Variants in CDH1 observed in about 807,000 individuals in gnomAD.
The protein encoded by CDH1 is cadherin 1.
A neutral mutation model predicts 84.5 loss-of-function variants in CDH1; 35 were observed. The ratio of observed to expected loss-of-function variants is 0.41; its 90% confidence interval spans 0.32 to 0.55. CDH1 has a LOEUF of 0.55. Ranked by LOEUF, CDH1 falls within the 20% of genes least tolerant of loss-of-function variation. The pLI is 0.19. For missense variants in CDH1, 994 were observed against 1,126.6 expected (o/e 0.88, Z 1.68); for synonymous variants, 417 against 439.0 (o/e 0.95, Z 0.63).
At chr16:68,790,494 C>T (rs527783070) in intron 2 of CDH1, among the ~76,000 whole-genome samples, 20 of 152,190 alleles carry the variant, frequency 1.3e-4, no homozygotes, top group South Asian at 1.0e-3. Flanking sequence ...TGTGTTGTTA[C>T]GCATGCAGCC....
intron 2 of CDH1, among the ~76,000 whole-genome samples, chr16:68,754,457 T>C (rs1352035299): frequency 2.0e-5 from 3 of 152,184 alleles, no homozygotes; most frequent in Admixed American, 6.5e-5. Flanking sequence ...ATTGTGATCA[T>C]AAGCAACAGT....
chr16:68,783,834 G>A (rs571760197), intron 2 of CDH1, among the ~76,000 whole-genome samples: 5 of 151,868 alleles, frequency 3.3e-5, no homozygotes, highest in Admixed American at 6.6e-5. Flanking sequence ...CTACCACCAC[G>A]CCTGGCTAAT....
At chr16:68,798,686 A>G (rs1960423799) in intron 2 of CDH1, among the ~76,000 whole-genome samples, 1 of 152,192 alleles carries the variant, frequency 6.6e-6, no homozygotes, top group Non-Finnish European at 1.5e-5. Context: ...TAAATTTGGG[A>G]AGGCTGGAGA....
In CDH1 at chr16:68,828,105, A is replaced by G. The variant is rs181023559; in HGVS notation, c.2165-69A>G. Reference sequence around the variant, plus strand: ...TGTCTGGTATGAGGGGTGCTCTGTGATAGCTGCTGCTTCTGGCCTTCTTTA... The same window carrying G: ...TGTCTGGTATGAGGGGTGCTCTGTGGTAGCTGCTGCTTCTGGCCTTCTTTA... On this transcript the variant is annotated intron_variant, in intron 13 of 15. Coordinates refer to ENST00000261769, the MANE Select transcript of CDH1 (RefSeq NM_004360.5). 126 of 1,586,930 alleles carry G rather than the reference A, an allele frequency of 7.9e-5. No individual in the cohort carries two copies. The East Asian group carries it at 2.4e-3, about 31-fold the overall frequency.
intron 2 of CDH1, among the ~76,000 whole-genome samples, chr16:68,760,133 C>T (rs901339964): frequency 4.9e-5 from 6 of 122,722 alleles, no homozygotes; most frequent in Admixed American, 9.2e-5. Context: ...AAATCTTGCT[C>T]TTGTCCCCCA....
At chr16:68,795,191 A>G (rs1011202830) in intron 2 of CDH1, among the ~76,000 whole-genome samples, 2 of 152,208 alleles carry the variant, frequency 1.3e-5, no homozygotes, top group African/African-American at 4.8e-5. Flanking sequence ...ATCTAAGAAA[A>G]TAGCCTGGAA....
chr16:68,804,824 C>CTTTT (rs5817653), intron 3 of CDH1, among the ~76,000 whole-genome samples: 45 of 69,670 alleles, frequency 6.5e-4, no homozygotes, highest in Non-Finnish European at 7.6e-4. Context: ...GTAACAAAAT[C>CTTTT]TTTTTTTTTT....
chr16:68,786,363 G>A (rs1041574470), intron 2 of CDH1, among the ~76,000 whole-genome samples: 1 of 151,660 alleles, frequency 6.6e-6, no homozygotes. Context: ...GTAGAGACAG[G>A]GTTTCACCAT....
intron 2 of CDH1, among the ~76,000 whole-genome samples, chr16:68,755,435 A>G (rs1962994013): frequency 6.6e-6 from 1 of 151,922 alleles, no homozygotes; most frequent in South Asian, 2.1e-4. Flanking sequence ...ATAAATAGAG[A>G]GGGTCTTGTT....
chr16:68,751,911 A>T (rs1962891328), intron 2 of CDH1, among the ~76,000 whole-genome samples: 1 of 149,540 alleles, frequency 6.7e-6, no homozygotes, highest in Admixed American at 6.7e-5. Flanking sequence ...CTGGGATTAT[A>T]GGTGCCTGCC....
intron 2 of CDH1, among the ~76,000 whole-genome samples, chr16:68,795,404 G>A (rs1960330321): frequency 6.6e-6 from 1 of 152,148 alleles, no homozygotes; most frequent in African/African-American, 2.4e-5. Context: ...AAACTCCTGG[G>A]CTCAAGTGAT....
In CDH1 at chr16:68,833,172, G is replaced by A. The variant is rs968481300; in HGVS notation, c.2440-118G>A. ...GTACGTTGTTGGTGTTCACTGCTCCGTGGTGTGCCACAAGTCTGGGTGCAT... is the reference window on the plus strand; with the variant it reads ...GTACGTTGTTGGTGTTCACTGCTCCATGGTGTGCCACAAGTCTGGGTGCAT... On this transcript the variant is annotated intron_variant, in intron 15 of 15. Transcript: ENST00000261769. The A allele has an allele frequency of 5.6e-5, 46 of 821,694 alleles. No individual in the cohort carries two copies. The highest frequency in any genetic ancestry group is 2.9e-4 in the Admixed American group (16 of 54,662). The allele number at this position is 821,694 out of a possible 1,614,324, so 50.9% of individuals were successfully genotyped here. A position where few individuals can be genotyped will look rare whatever the true frequency, so the allele number is the denominator to read the frequency against.
At chr16:68,746,352 G>T (rs1472748987) in intron 2 of CDH1, among the ~76,000 whole-genome samples, 1 of 152,118 alleles carries the variant, frequency 6.6e-6, no homozygotes, top group Non-Finnish European at 1.5e-5. Flanking sequence ...TTGAACACGG[G>T]AGGTGGAGGA....
At chr16:68,811,214 A>T (rs1000773877) in intron 6 of CDH1, among the ~76,000 whole-genome samples, 1 of 152,044 alleles carries the variant, frequency 6.6e-6, no homozygotes, top group African/African-American at 2.4e-5. Flanking sequence ...CCTGACCAAC[A>T]TGGAGAAACC....
At chr16:68,803,467 G>A (rs550098009) in intron 3 of CDH1, among the ~76,000 whole-genome samples, 5 of 152,086 alleles carry the variant, frequency 3.3e-5, no homozygotes, top group South Asian at 2.1e-4. Flanking sequence ...GTGCAATTTC[G>A]GCTCACGGCA....
In CDH1 at chr16:68,810,097, G is replaced by A. The variant is rs960032933; in HGVS notation, c.688-100G>A. 6.5e-6 allele frequency: 8 copies of A among 1,231,200 alleles called. No homozygotes were observed. The Middle Eastern group carries it at 1.7e-3, about 266-fold the overall frequency. The allele number at this position is 1,231,200 out of a possible 1,614,324, so 76.3% of individuals were successfully genotyped here. A position where few individuals can be genotyped will look rare whatever the true frequency, so the allele number is the denominator to read the frequency against. ...CACTGGGGGTCTCAGAGCCTAGGAA[G>A]GTGTGGCAGCCAGGGGGGCGCACTC... On this transcript the variant is annotated intron_variant, in intron 5 of 15. Coordinates refer to ENST00000261769, the MANE Select transcript of CDH1 (RefSeq NM_004360.5).
At chr16:68,788,541 G>A (rs1960126578) in intron 2 of CDH1, among the ~76,000 whole-genome samples, 1 of 151,930 alleles carries the variant, frequency 6.6e-6, no homozygotes, top group Non-Finnish European at 1.5e-5. Context: ...TCTTTCACTC[G>A]GTGTAATGCT....
chr16:68,801,501 T>C (rs1437752067), intron 2 of CDH1, among the ~76,000 whole-genome samples, 169 bp from the exon 3 acceptor site: 2 of 152,252 alleles, frequency 1.3e-5, no homozygotes, highest in Non-Finnish European at 1.5e-5. Context: ...CATCCTGTAG[T>C]TGTGAAGAAC....
At chr16:68,737,798 G>A (rs1392405723) in intron 1 of CDH1, among the ~76,000 whole-genome samples, 1 of 152,112 alleles carries the variant, frequency 6.6e-6, no homozygotes, top group Non-Finnish European at 1.5e-5. Flanking sequence ...GGGTGCCCTG[G>A]TGCAAGTCGA....
Sources: allele counts gnomAD v4.1 joint callset (sites outside exome capture counted in the v4.1 genomes callset), GRCh38; gene constraint gnomAD v4.1.1; transcripts MANE v1.5; gene names NCBI Gene and HGNC (gene_info 2026-07-23, HGNC 2026-07-21).